FOXN3: variants seen among roughly 807,000 people sequenced by gnomAD.
FOXN3 encodes the protein forkhead box N3.
A neutral mutation model predicts 38.4 loss-of-function variants in FOXN3; 7 were observed. The ratio of observed to expected loss-of-function variants is 0.18; its 90% CI spans 0.10 to 0.34. The LOEUF (loss-of-function observed/expected upper bound fraction) is 0.34, where lower values mean the gene tolerates loss of function less well. Ranked by LOEUF, FOXN3 falls within the 10% of genes least tolerant of loss-of-function variation. FOXN3 has a pLI of 1.00. For missense variants in FOXN3, 456 were observed against 613.4 expected (o/e 0.74, Z 2.71); for synonymous variants, 230 against 242.2 (o/e 0.95, Z 0.47).
intron 1 of FOXN3, among the ~76,000 whole-genome samples, chr14:89,416,181 T>G (rs996713743): frequency 1.3e-5 from 2 of 152,148 alleles, no homozygotes; most frequent in African/African-American, 4.8e-5. Flanking sequence ...GTCAAAAACA[T>G]TTCAAGGGGA....
At chr14:89,269,757 T>G (rs1886091241) in intron 4 of FOXN3, among the ~76,000 whole-genome samples, 1 of 152,088 alleles carries the variant, frequency 6.6e-6, no homozygotes, top group Non-Finnish European at 1.5e-5. Flanking sequence ...ATGCTGCCAT[T>G]TACTGAACAT....
chr14:89,597,660 T>C (rs1280588277), intron 1 of FOXN3, among the ~76,000 whole-genome samples: 1 of 152,078 alleles, frequency 6.6e-6, no homozygotes, highest in Non-Finnish European at 1.5e-5. Context: ...GCAGTATAAG[T>C]GAATTGAATC....
intron 2 of FOXN3, among the ~76,000 whole-genome samples, chr14:89,409,765 C>A (rs1891492248): frequency 6.6e-6 from 1 of 152,158 alleles, no homozygotes; most frequent in South Asian, 2.1e-4. Flanking sequence ...TGGTTCTTTA[C>A]AGAGGAGCAA....
rs200290178 is a variant in FOXN3, at chr14:89,483,931, G to A, written c.-14-71441C>T. Among the ~76,000 whole-genome samples the A allele has an allele frequency of 7.9e-5, 12 of 152,186 alleles. No individual in the cohort carries two copies. The East Asian group carries it at 1.7e-3, about 22-fold the overall frequency. ...TATTTATTTGGTTTAAAATAAAATC[G>A]TTCACACCCAGAGCCAAGTAAAAAG... On this transcript the variant is annotated intron_variant, in intron 1 of 6. Transcript: ENST00000345097.
intron 3 of FOXN3, among the ~76,000 whole-genome samples, chr14:89,295,762 A>ATTTTTT (rs1032063820): frequency 2.4e-5 from 3 of 123,224 alleles, no homozygotes; most frequent in African/African-American, 6.1e-5. Flanking sequence ...TAATTTTTGC[A>ATTTTTT]TTTTTTTTTT....
rs187961288 is a variant in FOXN3 at position 89,342,830 on chromosome 14, C to T, written c.680+7842G>A. Among the ~76,000 whole-genome samples the T allele has an allele frequency of 3.9e-5, 6 of 152,222 alleles. 1 individual carries two copies. Among genetic ancestry groups the T allele is most frequent in the African/African-American group, 1.4e-4 (6 of 41,528 alleles). ...ACATAATCTTTCAAAATGCATAATGCCTCACGCTTTTAAATTAAACTTATC... is the reference window on the plus strand; with the variant it reads ...ACATAATCTTTCAAAATGCATAATGTCTCACGCTTTTAAATTAAACTTATC... On this transcript the variant is annotated intron_variant, in intron 3 of 5. Transcript: ENST00000557258.
chr14:89,518,936 G>T (rs1234076762), intron 1 of FOXN3, among the ~76,000 whole-genome samples: 1 of 152,132 alleles, frequency 6.6e-6, no homozygotes, highest in African/African-American at 2.4e-5. Flanking sequence ...AATCGCTTGA[G>T]CCCGGGAGGT....
chr14:89,240,323 A>G (rs1289534000), intron 4 of FOXN3, among the ~76,000 whole-genome samples: 1 of 152,232 alleles, frequency 6.6e-6, no homozygotes, highest in Non-Finnish European at 1.5e-5. Flanking sequence ...AACTACACAG[A>G]AAAAGAAATA....
intron 1 of FOXN3, among the ~76,000 whole-genome samples, chr14:89,463,724 C>A (rs753137419): frequency 2.0e-5 from 3 of 152,012 alleles, no homozygotes; most frequent in Non-Finnish European, 4.4e-5. Context: ...AGGGCTCCCC[C>A]AAAAGTTTGG....
intron 1 of FOXN3, among the ~76,000 whole-genome samples, chr14:89,534,996 T>C (rs1894654261): frequency 6.6e-6 from 1 of 152,202 alleles, no homozygotes; most frequent in African/African-American, 2.4e-5. Context: ...GCTCTTCCAT[T>C]TAATGAAGAA....
intron 4 of FOXN3, among the ~76,000 whole-genome samples, chr14:89,221,660 T>C (rs1278678300): frequency 1.3e-5 from 2 of 152,212 alleles, no homozygotes; most frequent in Non-Finnish European, 2.9e-5. Flanking sequence ...CTGTTTGTCT[T>C]ATGCAGCAAG....
intron 2 of FOXN3, among the ~76,000 whole-genome samples, chr14:89,405,093 G>A (rs1051631318): frequency 3.3e-5 from 5 of 152,096 alleles, no homozygotes; most frequent in South Asian, 2.1e-4. Flanking sequence ...AACTGCTCAC[G>A]TGGGGTGCTG....
intron 1 of FOXN3, among the ~76,000 whole-genome samples, chr14:89,565,208 C>A (rs967775210): frequency 1.3e-5 from 2 of 151,550 alleles, no homozygotes; most frequent in African/African-American, 2.4e-5. Flanking sequence ...GGCCAAGGAA[C>A]GCCCAGAATT....
chr14:89,545,635 C>G (rs901826649), intron 1 of FOXN3, among the ~76,000 whole-genome samples: 2 of 152,196 alleles, frequency 1.3e-5, no homozygotes, highest in Non-Finnish European at 2.9e-5. Context: ...TGATAAAGTG[C>G]AACTTGATGG....
At chr14:89,393,987 G>T (rs894527463) in intron 2 of FOXN3, among the ~76,000 whole-genome samples, 1 of 152,150 alleles carries the variant, frequency 6.6e-6, no homozygotes, top group African/African-American at 2.4e-5. Context: ...AGATGGAAGG[G>T]TTGGCATCTG....
chr14:89,305,311 C>T (rs1341710117), intron 3 of FOXN3, among the ~76,000 whole-genome samples: 3 of 152,186 alleles, frequency 2.0e-5, no homozygotes, highest in Non-Finnish European at 4.4e-5. Context: ...TCAACAAAAA[C>T]CTCAGATTCA....
At chr14:89,580,461 C>G (rs1327707891) in intron 1 of FOXN3, among the ~76,000 whole-genome samples, 1 of 152,202 alleles carries the variant, frequency 6.6e-6, no homozygotes, top group Non-Finnish European at 1.5e-5. Context: ...GACCACATAA[C>G]AGTGCCATAT....
chr14:89,522,162 G>GAA (rs199909730), intron 1 of FOXN3, among the ~76,000 whole-genome samples: 1 of 151,748 alleles, frequency 6.6e-6, no homozygotes, highest in African/African-American at 2.4e-5. Flanking sequence ...AATGCTGAAA[G>GAA]AAAAAAACTG....
intron 4 of FOXN3, among the ~76,000 whole-genome samples, chr14:89,202,270 C>A (rs563595007): frequency 6.6e-6 from 1 of 152,344 alleles, no homozygotes; most frequent in African/African-American, 2.4e-5. Context: ...GATGTTCCCA[C>A]ACCTGACACC....
Sources: allele counts gnomAD v4.1 joint callset (sites outside exome capture counted in the v4.1 genomes callset), GRCh38; gene constraint gnomAD v4.1.1; transcripts MANE v1.5; gene names NCBI Gene and HGNC (gene_info 2026-07-23, HGNC 2026-07-21).